PTPRD: variants seen among roughly 807,000 people sequenced by gnomAD.
PTPRD encodes the protein protein tyrosine phosphatase receptor type D, also known as receptor-type tyrosine-protein phosphatase delta.
In PTPRD, 34 loss-of-function variants were observed where a neutral mutation model predicts 214.5. That is an observed-to-expected ratio of 0.16 (90% CI 0.12 to 0.21). PTPRD has a LOEUF of 0.21. Among genes scored for constraint, PTPRD ranks in the 10% least tolerant of loss-of-function variants. The probability of loss-of-function intolerance (pLI) is 1.00; values close to 1 mark genes in which losing one functional copy is unlikely to be tolerated. For missense variants in PTPRD, 2,545 were observed against 2,398.7 expected (o/e 1.06, Z -1.27); for synonymous variants, 1,128 against 845.7 (o/e 1.33, Z -5.79).
intron 10 of PTPRD, among the ~76,000 whole-genome samples, chr9:9,043,050 T>C (rs1392009026): frequency 6.6e-6 from 1 of 152,200 alleles, no homozygotes; most frequent in Non-Finnish European, 1.5e-5. Flanking sequence ...AACTTGGTTC[T>C]TTATAGTTCT....
chr9:9,061,982 G>GA (rs1569520413), intron 10 of PTPRD, among the ~76,000 whole-genome samples: 1 of 151,978 alleles, frequency 6.6e-6, no homozygotes, highest in Non-Finnish European at 1.5e-5. Flanking sequence ...GAAATTAAAA[G>GA]ATGCCTCTGA....
intron 11 of PTPRD, among the ~76,000 whole-genome samples, chr9:8,859,539 A>C (rs543249889): frequency 3.3e-5 from 5 of 152,220 alleles, no homozygotes; most frequent in Non-Finnish European, 7.3e-5. Context: ...TGTTCAGGCC[A>C]GCACATACAC....
rs2133455640 is a variant in PTPRD, at chr9:8,449,732, T to C, written c.3981A>G (p.Gln1327=). 6.2e-7 allele frequency: 1 copy of C among 1,613,932 alleles called. No individual in the cohort carries two copies. Among genetic ancestry groups the C allele is most frequent in the South Asian group, 1.1e-5 (1 of 91,070 alleles). Residue 1327 remains glutamine (Q), a synonymous_variant, in exon 34 of 46, where the codon CAA becomes CAG. Transcript: ENST00000381196. The part of the protein sequence containing the change: ...DPVELRRLNF[Q]TPGMASHPPI... ...ATGTGTGATGCTTCTTACCCGGTGT[T>C]TGAAAGTTAAGGCGCCTCAGTTCTA...
At chr9:9,042,409 C>T (rs189760965) in intron 10 of PTPRD, among the ~76,000 whole-genome samples, 55 of 152,156 alleles carry the variant, frequency 3.6e-4, no homozygotes, top group African/African-American at 1.3e-3. Flanking sequence ...GGCAGGAGAA[C>T]AGTTAGACTG....
At chr9:8,756,175 C>T (rs141957493) in intron 11 of PTPRD, among the ~76,000 whole-genome samples, 94 of 152,268 alleles carry the variant, frequency 6.2e-4, no homozygotes, top group East Asian at 2.9e-3. Flanking sequence ...AGACCAACTT[C>T]AGCACTGACT....
intron 3 of PTPRD, among the ~76,000 whole-genome samples, chr9:10,177,192 T>A (rs1564339545): frequency 6.6e-6 from 1 of 151,916 alleles, no homozygotes; most frequent in South Asian, 2.1e-4. Context: ...TTCCTGCATT[T>A]AAACTCAGTC....
chr9:10,496,535 G>C (rs914944866), intron 2 of PTPRD, among the ~76,000 whole-genome samples: 2 of 151,852 alleles, frequency 1.3e-5, no homozygotes, highest in African/African-American at 4.8e-5. Context: ...CTCCAAACTG[G>C]TTTCTACAAT....
At chr9:9,701,191 T>C in intron 7 of PTPRD, among the ~76,000 whole-genome samples, 1 of 152,146 alleles carries the variant, frequency 6.6e-6, no homozygotes. Context: ...GTTGCCTAAA[T>C]ATACAAGGAA....
At chr9:9,289,001 C>G (rs921284890) in intron 9 of PTPRD, among the ~76,000 whole-genome samples, 1 of 151,828 alleles carries the variant, frequency 6.6e-6, no homozygotes, top group African/African-American at 2.4e-5. Flanking sequence ...TGTGAGTCAA[C>G]TAAACCTCTT....
In PTPRD at chr9:10,040,263, T is replaced by C. The variant is rs192493745; in HGVS notation, c.-544-6473A>G. On this transcript the variant is annotated intron_variant, in intron 3 of 45. Transcript: ENST00000381196. ...CCCATTTTGTTGTCGTTTGATGTTA[T>C]TGAATTAGGAACACTGACAGTTTTT... Among the ~76,000 whole-genome samples, 651 of 152,192 alleles carry C rather than the reference T, an allele frequency of 4.3e-3. 11 individuals are homozygous for C. Among genetic ancestry groups the C allele is most frequent in the Non-Finnish European group, 5.5e-3 (376 of 67,980 alleles).
At chr9:9,786,505 A>G (rs1405844546) in intron 5 of PTPRD, among the ~76,000 whole-genome samples, 1 of 152,202 alleles carries the variant, frequency 6.6e-6, no homozygotes, top group Non-Finnish European at 1.5e-5. Context: ...AATACTGAAA[A>G]CAGCATGTGA....
chr9:8,562,318 T>C (rs1344258574), intron 14 of PTPRD, among the ~76,000 whole-genome samples: 1 of 152,178 alleles, frequency 6.6e-6, no homozygotes, highest in Non-Finnish European at 1.5e-5. Flanking sequence ...AAAGTACATA[T>C]GACAATATTA....
rs191886204 is a variant in PTPRD, at chr9:9,829,845, C to A, written c.-367-62994G>T. 9.9e-5 allele frequency among the ~76,000 whole-genome samples: 15 copies of A among 151,818 alleles called. No homozygotes were observed. The East Asian group carries it at 2.7e-3, about 27-fold the overall frequency. The stretch of plus-strand genomic sequence containing the variant: ...AGATCCATTGTTTTGAAAGAATATT[C>A]TGTCATCAAGCATTTGCTACTATTT... On this transcript the variant is annotated intron_variant, in intron 5 of 45. Transcript: ENST00000381196.
intron 3 of PTPRD, among the ~76,000 whole-genome samples, chr9:10,334,198 TG>T: frequency 6.6e-6 from 1 of 151,780 alleles, no homozygotes; most frequent in South Asian, 2.1e-4. Flanking sequence ...AAGAAGACTC[TG>T]AAAAAAGGTT....
intron 2 of PTPRD, among the ~76,000 whole-genome samples, chr9:10,488,893 G>A (rs2099150200): frequency 6.6e-6 from 1 of 152,118 alleles, no homozygotes; most frequent in African/African-American, 2.4e-5. Flanking sequence ...CAGAAATGCA[G>A]TCCAATAGCC....
intron 34 of PTPRD, among the ~76,000 whole-genome samples, chr9:8,444,328 G>T (rs2133106343): frequency 6.6e-6 from 1 of 152,124 alleles, no homozygotes; most frequent in South Asian, 2.1e-4. Context: ...TTTTTATATA[G>T]TTAAATGTCA....
intron 34 of PTPRD, among the ~76,000 whole-genome samples, chr9:8,442,706 T>C (rs2095587859): frequency 2.0e-5 from 3 of 152,176 alleles, no homozygotes; most frequent in Admixed American, 2.0e-4. Context: ...TAGAATTCCC[T>C]GAATCAAATA....
intron 5 of PTPRD, among the ~76,000 whole-genome samples, chr9:9,907,913 A>C (rs1292236653): frequency 1.3e-5 from 2 of 152,038 alleles, no homozygotes; most frequent in South Asian, 4.1e-4. Flanking sequence ...TTAATGGAAA[A>C]CAGGTGTAAC....
chr9:8,880,104 C>G (rs2098430504), intron 11 of PTPRD, among the ~76,000 whole-genome samples: 1 of 152,078 alleles, frequency 6.6e-6, no homozygotes, highest in Non-Finnish European at 1.5e-5. Flanking sequence ...CTCAGGGATT[C>G]CTGGGTGAAA....
Sources: allele counts gnomAD v4.1 joint callset (sites outside exome capture counted in the v4.1 genomes callset), GRCh38; gene constraint gnomAD v4.1.1; transcripts MANE v1.5; gene names NCBI Gene and HGNC (gene_info 2026-07-23, HGNC 2026-07-21).